The following ZNF10 variants were observed in gnomAD, a reference collection of about 807,000 sequenced individuals.
The protein encoded by ZNF10 is zinc finger protein 10.
ZNF10 carries 8 observed loss-of-function variants against 12.2 expected under a neutral mutation model. The ratio of observed to expected loss-of-function variants is 0.66; its 90% CI spans 0.39 to 1.18. The LOEUF is 1.18. Among genes scored for constraint, ZNF10 ranks in the 50% most tolerant of loss-of-function variants. ZNF10 has a pLI of 0.01. For synonymous variants in ZNF10, 229 were observed against 228.2 expected (o/e 1.00, Z -0.03); for missense variants, 603 against 678.9 (o/e 0.89, Z 1.24).
chr12:133,131,274 T>G (rs1955873684), intron 1 of ZNF10, among the ~76,000 whole-genome samples: 1 of 152,144 alleles, frequency 6.6e-6, no homozygotes, highest in South Asian at 2.1e-4. Flanking sequence ...TCTATTTTTT[T>G]TATTTTCAGA....
intron 1 of ZNF10, among the ~76,000 whole-genome samples, chr12:133,135,464 A>G (rs1223339994): frequency 6.6e-6 from 1 of 152,180 alleles, no homozygotes; most frequent in Non-Finnish European, 1.5e-5. Flanking sequence ...GCAGTGTTCC[A>G]GGACTTCGTT....
At chr12:133,153,595 A>G (rs1399407329) in intron 4 of ZNF10, among the ~76,000 whole-genome samples, 1 of 152,046 alleles carries the variant, frequency 6.6e-6, no homozygotes, top group Non-Finnish European at 1.5e-5. Context: ...AATCATCAGG[A>G]TGGGGAAGAA....
rs1333377563 is a variant in ZNF10 at position 133,156,449 on chromosome 12, AGT to A, written c.1205_1206del (p.Val402GlufsTer4). On this transcript the variant is annotated frameshift_variant, in exon 5 of 5. Coordinates refer to ENST00000248211, the MANE Select transcript of ZNF10 (RefSeq NM_015394.5). LOFTEE classifies it low-confidence loss of function (END_TRUNC). ...LILHQRTHVRVRPYECNECGK... is the reference protein window; with the variant it reads ...LILHQRTHVRXRPYECNECGK... ...TTCTGCATCAGAGAACCCATGTGAG[AGT>A]GAGGCCCTATGAATGCAATGAATGT... The A allele has an allele frequency of 6.2e-7, 1 of 1,613,590 alleles. No homozygotes were observed. The highest frequency in any genetic ancestry group is 2.2e-5 in the East Asian group (1 of 44,874).
At position 133,145,790 on chromosome 12, in the gene ZNF10, G is replaced by A. The variant is rs538071436; in HGVS notation, c.33+1265G>A. On this transcript the variant is annotated intron_variant, in intron 2 of 4. Transcript: ENST00000248211. ...ACTGCACTCCAGCCCGCGTGTCAGA[G>A]CAAAACTCTGTCCCACCCCCCCACC... 2.6e-5 allele frequency among the ~76,000 whole-genome samples: 4 copies of A among 151,308 alleles called. No individual in the cohort carries two copies. In the East Asian group the frequency reaches 5.9e-4, roughly 22 times the overall value.
rs1456622061 is a variant in ZNF10 at position 133,158,520 on chromosome 12, A to G, written c.*1552A>G. The G allele has an allele frequency of 1.3e-5, 2 of 152,232 alleles. No homozygotes were observed. The highest frequency in any genetic ancestry group is 2.4e-5 in the African/African-American group (1 of 41,466). 9.4% of individuals were successfully genotyped at this position (152,232 alleles called of 1,614,324 possible). On this transcript the variant is annotated 3_prime_UTR_variant, in exon 5 of 5. Transcript: ENST00000248211. ...TGTTTGTACAAAGGTTTTCCATTCT[A>G]TGGAGAGGATCCCAGTCTTCAGATT... is the stretch of plus-strand genomic sequence containing the variant.
Position 133,157,138 on chromosome 12 carries a change from C to A in ZNF10, c.*170C>A. 1.9e-6 allele frequency: 1 copy of A among 532,540 alleles called. No individual in the cohort carries two copies. The highest frequency in any genetic ancestry group is 2.9e-6 in the Non-Finnish European group (1 of 349,478). The allele number at this position is 532,540 out of a possible 1,614,324, so 33.0% of individuals were successfully genotyped here. On this transcript the variant is annotated 3_prime_UTR_variant, in exon 5 of 5. Coordinates refer to ENST00000248211, the MANE Select transcript of ZNF10 (RefSeq NM_015394.5). Reference sequence around the variant, plus strand: ...GGGAAAGAAACCACAGATTTTATTTCAGTACACAAATCCATCAGATTTTCT... The same window carrying A: ...GGGAAAGAAACCACAGATTTTATTTAAGTACACAAATCCATCAGATTTTCT...
rs1304958664 is a variant in ZNF10 at position 133,151,049 on chromosome 12, G to A, written c.55G>A (p.Val19Ile). The A allele has an allele frequency of 6.2e-7, 1 of 1,612,980 alleles. No homozygotes were observed. Among genetic ancestry groups the A allele is most frequent in the Non-Finnish European group, 8.5e-7 (1 of 1,179,156 alleles). ...WSRTLVTFKD[V>I]FVDFTREEWK... is the part of the protein sequence containing the mutation. ...GTAGACACTGGTGACCTTCAAGGAT[G>A]TATTTGTGGACTTCACCAGGGAGGA... is the stretch of plus-strand genomic sequence containing the variant. Residue 19 changes from valine (V) to isoleucine (I), a missense_variant, in exon 3 of 5, where the codon GTA becomes ATA. By Grantham distance (29) the Val-to-Ile change is conservative. Around this residue, in one of 3 missense-constraint regions of ZNF10, gnomAD observed 393 missense variants for 399.7 expected, o/e 0.98. Transcript: ENST00000248211.
chr12:133,140,791 G>A (rs1245874422), intron 1 of ZNF10, among the ~76,000 whole-genome samples: 1 of 151,580 alleles, frequency 6.6e-6, no homozygotes, highest in East Asian at 1.9e-4. Context: ...TGTTTGCTCT[G>A]TCTTCTGAAG....
At chr12:133,147,020 C>T (rs1395605375) in intron 2 of ZNF10, among the ~76,000 whole-genome samples, 1 of 152,136 alleles carries the variant, frequency 6.6e-6, no homozygotes, top group Non-Finnish European at 1.5e-5. Flanking sequence ...TAGTATGAAG[C>T]CTCTAGCTCC....
rs1955893095 is a variant in ZNF10 at position 133,133,589 on chromosome 12, C to T, written c.-60+2835C>T. Among the ~76,000 whole-genome samples the T allele has an allele frequency of 2.0e-5, 3 of 152,164 alleles. No individual in the cohort carries two copies. The South Asian group carries it at 6.2e-4, about 31-fold the overall frequency. On this transcript the variant is annotated intron_variant, in intron 1 of 4. Coordinates refer to ENST00000248211, the MANE Select transcript of ZNF10 (RefSeq NM_015394.5). ...TCCTTCATGTTTACGGATGATAGAA[C>T]CACTGATCCTCTCTGAGATAGTGGG... is the stretch of plus-strand genomic sequence containing the variant.
chr12:133,154,494 T>G (rs1429906119), intron 4 of ZNF10, among the ~76,000 whole-genome samples: 2 of 152,196 alleles, frequency 1.3e-5, no homozygotes, highest in Non-Finnish European at 2.9e-5. Flanking sequence ...TGTAATAGGC[T>G]CATGCTTTAT....
At chr12:133,144,584 T>A in intron 2 of ZNF10, 59 bp downstream of exon 2, 1 of 1,525,630 alleles carries the variant, frequency 6.6e-7, no homozygotes, top group Non-Finnish European at 9.0e-7. Flanking sequence ...TTAGTTCCTT[T>A]GCCAAAGATC....
At chr12:133,145,973 GC>G (rs1955973993) in intron 2 of ZNF10, among the ~76,000 whole-genome samples, 2 of 152,198 alleles carry the variant, frequency 1.3e-5, no homozygotes, top group Non-Finnish European at 2.9e-5. Context: ...CAGTAAAAGT[GC>G]AATGTATTAC....
Position 133,130,648 on chromosome 12 carries a change from C to T in ZNF10, c.-166C>T, listed in dbSNP as rs1380034012. The T allele has an allele frequency of 6.6e-6, 1 of 152,416 alleles. No homozygotes were observed. The highest frequency in any genetic ancestry group is 1.5e-5 in the Non-Finnish European group (1 of 68,076). 9.4% of individuals were successfully genotyped at this position (152,416 alleles called of 1,614,324 possible). ...CCTCAGACTCACCTCTGACGCCGCT[C>T]TTCGCGCTCCGCTGGTGAATGGAGT... On this transcript the variant is annotated 5_prime_UTR_variant, in exon 1 of 5. Coordinates refer to ENST00000248211, the MANE Select transcript of ZNF10 (RefSeq NM_015394.5).
chr12:133,151,760 CAG>C, intron 3 of ZNF10, 47 bp from the exon 4 acceptor site: 2 of 1,508,592 alleles, frequency 1.3e-6, no homozygotes, highest in South Asian at 2.3e-5. Flanking sequence ...GTGCCTACCT[CAG>C]AGCTCCCCTG....
At chr12:133,154,517 T>A (rs1027016359) in intron 4 of ZNF10, among the ~76,000 whole-genome samples, 1 of 152,198 alleles carries the variant, frequency 6.6e-6, no homozygotes, top group Non-Finnish European at 1.5e-5. Flanking sequence ...AATATAATAA[T>A]CTTAAATAAC....
chr12:133,132,869 T>C (rs73162469), intron 1 of ZNF10, among the ~76,000 whole-genome samples: 37,968 of 152,182 alleles, frequency 0.25, 5,081 homozygotes, highest in Non-Finnish European at 0.3. Flanking sequence ...TGAATACTTA[T>C]AAACCTTCCC....
Position 133,144,534 on chromosome 12 carries a change from G to A in ZNF10, c.33+9G>A, listed in dbSNP as rs755728349. The A allele has an allele frequency of 5.6e-6, 9 of 1,613,436 alleles. No individual in the cohort carries two copies. The highest frequency in any genetic ancestry group is 7.6e-6 in the Non-Finnish European group (9 of 1,179,744). On this transcript the variant is annotated intron_variant, in intron 2 of 4. Coordinates refer to ENST00000248211, the MANE Select transcript of ZNF10 (RefSeq NM_015394.5). ...TAACTGCCTGGTCCCGGGTAAGCTG[G>A]GCTTTCTTCCCAGTTTCCAACTGGG...
intron 2 of ZNF10, 69 bp downstream of exon 2, chr12:133,144,594 C>A: frequency 6.8e-7 from 1 of 1,465,758 alleles, no homozygotes; most frequent in Non-Finnish European, 9.4e-7. Context: ...TGCCAAAGAT[C>A]TTCAGAAATT....
Sources: allele counts gnomAD v4.1 joint callset (sites outside exome capture counted in the v4.1 genomes callset), GRCh38; gene constraint gnomAD v4.1.1; regional missense constraint gnomAD v4.1.1; transcripts MANE v1.5; gene names NCBI Gene and HGNC (gene_info 2026-07-23, HGNC 2026-07-21).